CCSER1: variants seen among roughly 807,000 people sequenced by gnomAD.
CCSER1 encodes serine-rich coiled-coil domain-containing protein 1.
A neutral mutation model predicts 82.0 loss-of-function variants in CCSER1; 41 were observed. That is an observed-to-expected ratio of 0.50 (90% CI 0.39 to 0.65). The LOEUF (loss-of-function observed/expected upper bound fraction) is 0.65. Among genes scored for constraint, CCSER1 ranks in the 30% least tolerant of loss-of-function variants. The pLI, the probability that CCSER1 is intolerant of heterozygous loss-of-function variation, is 0.00. For missense variants in CCSER1, 1,119 were observed against 1,064.2 expected (o/e 1.05, Z -0.72); for synonymous variants, 414 against 383.9 (o/e 1.08, Z -0.92).
intron 7 of CCSER1, among the ~76,000 whole-genome samples, chr4:90,743,869 G>A (rs2149451372): frequency 6.6e-6 from 1 of 152,212 alleles, no homozygotes; most frequent in East Asian, 1.9e-4. Context: ...ACCTGACAAT[G>A]GTGTACTCTC....
At chr4:90,190,479 C>A (rs1043056240) in intron 1 of CCSER1, among the ~76,000 whole-genome samples, 1 of 152,072 alleles carries the variant, frequency 6.6e-6, no homozygotes, top group South Asian at 2.1e-4. Flanking sequence ...TTTTTACTTA[C>A]ACTAAAGGAC....
chr4:90,922,095 G>A (rs568696886), intron 8 of CCSER1, among the ~76,000 whole-genome samples: 1 of 152,086 alleles, frequency 6.6e-6, no homozygotes, highest in African/African-American at 2.4e-5. Context: ...TCTCTGACTA[G>A]CAGCACTAGA....
chr4:91,493,327 A>T (rs1758650066), intron 10 of CCSER1, among the ~76,000 whole-genome samples: 1 of 151,892 alleles, frequency 6.6e-6, no homozygotes, highest in Non-Finnish European at 1.5e-5. Context: ...AGGGTAGATA[A>T]TTAAATCTAA....
chr4:90,725,084 T>C, intron 7 of CCSER1: 1 of 373,796 alleles, frequency 2.7e-6, no homozygotes, highest in South Asian at 2.1e-5. Flanking sequence ...ACATTATTTA[T>C]TGAAACATTT....
intron 6 of CCSER1, among the ~76,000 whole-genome samples, chr4:90,657,419 T>C (rs908543067): frequency 6.6e-6 from 1 of 152,146 alleles, no homozygotes; most frequent in Non-Finnish European, 1.5e-5. Flanking sequence ...TTTACATCTG[T>C]GGCTAGTTTT....
intron 10 of CCSER1, among the ~76,000 whole-genome samples, chr4:91,347,641 T>A (rs2149295175): frequency 6.6e-6 from 1 of 152,152 alleles, no homozygotes; most frequent in South Asian, 2.1e-4. Context: ...TTCTTTGATT[T>A]TTTTCATCAG....
rs75992451 is a variant in CCSER1 at position 91,450,981 on chromosome 4, G to A, written c.2218-147591G>A. ...TACTATAAGAAATACAATAGACTGA[G>A]TGACCTATGAACAACAGAATTTGTT... On this transcript the variant is annotated intron_variant, in intron 10 of 10. Transcript: ENST00000509176. Among the ~76,000 whole-genome samples, 916 of 152,152 alleles carry A rather than the reference G, an allele frequency of 6.0e-3. 6 individuals are homozygous for A. The highest frequency in any genetic ancestry group is 0.018 in the African/African-American group (754 of 41,536).
At chr4:91,533,483 C>A (rs1381091210) in intron 10 of CCSER1, among the ~76,000 whole-genome samples, 1 of 151,984 alleles carries the variant, frequency 6.6e-6, no homozygotes, top group Non-Finnish European at 1.5e-5. Flanking sequence ...AAGTTGATTA[C>A]GGTAGTTGAA....
chr4:90,260,584 T>C (rs1314292167), intron 1 of CCSER1, among the ~76,000 whole-genome samples: 2 of 152,206 alleles, frequency 1.3e-5, no homozygotes, highest in Non-Finnish European at 2.9e-5. Flanking sequence ...CTCCTACTTC[T>C]TCTGGTTTTC....
intron 10 of CCSER1, among the ~76,000 whole-genome samples, chr4:91,306,059 T>TTGTG (rs70965483): frequency 0.16 from 22,105 of 139,498 alleles, 2,108 homozygotes; most frequent in African/African-American, 0.29. Context: ...ATCAGTGTGT[T>TTGTG]TGTGTGTGTG....
chr4:91,438,506 A>C, intron 10 of CCSER1, among the ~76,000 whole-genome samples: 1 of 152,218 alleles, frequency 6.6e-6, no homozygotes, highest in Admixed American at 6.5e-5. Flanking sequence ...CAAAGACCAA[A>C]AGTAGATAAA....
At chr4:91,167,602 T>C (rs1211211014) in intron 10 of CCSER1, among the ~76,000 whole-genome samples, 1 of 152,260 alleles carries the variant, frequency 6.6e-6, no homozygotes, top group Non-Finnish European at 1.5e-5. Context: ...TGATTACACA[T>C]GCATTTTTTT....
chr4:90,813,116 G>C (rs1452462742), intron 7 of CCSER1, among the ~76,000 whole-genome samples: 1 of 152,178 alleles, frequency 6.6e-6, no homozygotes, highest in Non-Finnish European at 1.5e-5. Context: ...TCTGAGACAA[G>C]GCAAATCTCT....
At chr4:90,654,209 C>T (rs544093578) in intron 6 of CCSER1, among the ~76,000 whole-genome samples, 18 of 152,064 alleles carry the variant, frequency 1.2e-4, no homozygotes, top group Middle Eastern at 3.4e-3. Flanking sequence ...AATTGAAATC[C>T]GATTATGTGA....
chr4:91,207,081 C>T (rs912833784), intron 10 of CCSER1, among the ~76,000 whole-genome samples: 3 of 151,618 alleles, frequency 2.0e-5, no homozygotes, highest in Non-Finnish European at 3.0e-5. Flanking sequence ...AAGGAAACAA[C>T]GTTATGTAAA....
intron 6 of CCSER1, among the ~76,000 whole-genome samples, chr4:90,655,329 A>T (rs1729512680): frequency 6.6e-6 from 1 of 152,034 alleles, no homozygotes; most frequent in Non-Finnish European, 1.5e-5. Flanking sequence ...TTATTAAAAA[A>T]TTTCTGTAGC....
chr4:90,744,973 G>A (rs571109325), intron 7 of CCSER1, among the ~76,000 whole-genome samples: 7,746 of 146,284 alleles, frequency 0.053, 450 homozygotes, highest in African/African-American at 0.15. Flanking sequence ...ATATATATAT[G>A]TACTGCTATA....
intron 1 of CCSER1, among the ~76,000 whole-genome samples, chr4:90,279,638 G>C (rs1439187478): frequency 6.6e-6 from 1 of 151,970 alleles, no homozygotes; most frequent in Non-Finnish European, 1.5e-5. Flanking sequence ...TTGTGTGCAA[G>C]TAGCTAGGAC....
At chr4:91,500,735 A>G (rs1469530874) in intron 10 of CCSER1, among the ~76,000 whole-genome samples, 1 of 152,038 alleles carries the variant, frequency 6.6e-6, no homozygotes, top group African/African-American at 2.4e-5. Flanking sequence ...TGAAAAATGT[A>G]GATAACAATA....
Sources: allele counts gnomAD v4.1 joint callset (sites outside exome capture counted in the v4.1 genomes callset), GRCh38; gene constraint gnomAD v4.1.1; transcripts MANE v1.5; gene names NCBI Gene and HGNC (gene_info 2026-07-23, HGNC 2026-07-21).